The following YES1 variants were observed in gnomAD, a reference collection of about 807,000 sequenced individuals.
The protein encoded by YES1 is tyrosine-protein kinase Yes.
YES1 carries 39 observed loss-of-function variants against 70.4 expected under a neutral mutation model. The observed-to-expected ratio is 0.55, with a 90% CI of 0.43 to 0.72. The LOEUF (loss-of-function observed/expected upper bound fraction) is 0.72, where lower values mean the gene tolerates loss of function less well. Among genes scored for constraint, YES1 ranks in the 30% least tolerant of loss-of-function variants. YES1 has a pLI of 0.00. For missense variants in YES1, 495 were observed against 644.8 expected, an observed-to-expected ratio of 0.77 and a Z score of 2.52; for synonymous variants, 198 against 218.6, an observed-to-expected ratio of 0.91 and a Z score of 0.83.
At chr18:778,693 A>G (rs1331693945) in intron 1 of YES1, among the ~76,000 whole-genome samples, 1 of 152,176 alleles carries the variant, frequency 6.6e-6, no homozygotes, top group African/African-American at 2.4e-5. Flanking sequence ...AAACATGAAC[A>G]ATTTCCATAG....
intron 1 of YES1, among the ~76,000 whole-genome samples, chr18:779,403 CAAAAA>C (rs35003724): frequency 1.6e-5 from 1 of 63,090 alleles, no homozygotes. Flanking sequence ...GACCCTGTCT[CAAAAA>C]AAAAAAAAAA....
chr18:730,479 G>A (rs2080075254), intron 11 of YES1, among the ~76,000 whole-genome samples: 1 of 151,868 alleles, frequency 6.6e-6, no homozygotes, highest in African/African-American at 2.4e-5. Flanking sequence ...CAAAGTGCTG[G>A]GATTATAGGA....
chr18:792,367 AT>A (rs1365224451), intron 1 of YES1, among the ~76,000 whole-genome samples: 1 of 152,104 alleles, frequency 6.6e-6, no homozygotes, highest in Non-Finnish European at 1.5e-5. Flanking sequence ...GGTTAAAAAA[AT>A]AAAATAAAAA....
rs2079991410 is a variant in YES1 at position 724,240 on chromosome 18, T to C, written c.*184A>G. On this transcript the variant is annotated 3_prime_UTR_variant, in exon 12 of 12. Coordinates refer to ENST00000314574, the MANE Select transcript of YES1 (RefSeq NM_005433.4). ...CTGAAATACGCTGATAAATTCATCA[T>C]TGGTACATTAGAGTTTAATACTTGG... The C allele has an allele frequency of 6.7e-6, 4 of 594,658 alleles. No individual in the cohort carries two copies. The highest frequency in any genetic ancestry group is 6.0e-5 in the Admixed American group (2 of 33,440). The allele number at this position is 594,658 out of a possible 1,614,324, so 36.8% of individuals were successfully genotyped here.
In YES1 at chr18:723,100, A is replaced by G. The variant is rs1329482801; in HGVS notation, c.*1324T>C. On this transcript the variant is annotated 3_prime_UTR_variant, in exon 12 of 12. Coordinates refer to ENST00000314574, the MANE Select transcript of YES1 (RefSeq NM_005433.4). ...GAGCGAGACTCCGTCTCAAAAAAGA[A>G]AACAAAAAAAAGTGAATGTAGATTC... 1 of 148,872 alleles carries G rather than the reference A, an allele frequency of 6.7e-6. No homozygotes were observed. The allele number at this position is 148,872 out of a possible 1,614,324, so 9.2% of individuals were successfully genotyped here. A position where few individuals can be genotyped will look rare whatever the true frequency, so the allele number is the denominator to read the frequency against.
chr18:802,645 A>T (rs1000480624), intron 1 of YES1, among the ~76,000 whole-genome samples: 5 of 152,064 alleles, frequency 3.3e-5, no homozygotes, highest in African/African-American at 1.2e-4. Context: ...CCTTTCCATC[A>T]TTGCTCCTCA....
rs529261425 is a variant in YES1, at chr18:785,417, G to T, written c.-9+26697C>A. On this transcript the variant is annotated intron_variant, in intron 1 of 11. Coordinates refer to ENST00000314574, the MANE Select transcript of YES1 (RefSeq NM_005433.4). The stretch of plus-strand genomic sequence containing the variant: ...TCTGAAGTATAATACTGAGTGTTAG[G>T]GGGGAGAAAGAGAAACAAGTAAAGC... 9.2e-5 allele frequency among the ~76,000 whole-genome samples: 14 copies of T among 152,218 alleles called. 1 individual carries two copies. In the South Asian group the frequency reaches 2.5e-3, roughly 27 times the overall value.
intron 1 of YES1, among the ~76,000 whole-genome samples, chr18:794,340 TAA>T (rs1906426817): frequency 6.6e-6 from 1 of 152,204 alleles, no homozygotes; most frequent in South Asian, 2.1e-4. Context: ...ACCAGTAGTC[TAA>T]CTTTTAAAAA....
At chr18:771,776 C>A (rs1048202004) in intron 1 of YES1, among the ~76,000 whole-genome samples, 4 of 152,084 alleles carry the variant, frequency 2.6e-5, no homozygotes, top group Non-Finnish European at 4.4e-5. Context: ...GCACAGGGAT[C>A]CCCACACTTC....
chr18:788,666 C>A (rs1036027047), intron 1 of YES1, among the ~76,000 whole-genome samples: 1 of 152,136 alleles, frequency 6.6e-6, no homozygotes, highest in Non-Finnish European at 1.5e-5. Flanking sequence ...CGCCTGTAAT[C>A]CCCGGCACTT....
At chr18:741,579 T>C (rs1004948656) in intron 8 of YES1, among the ~76,000 whole-genome samples, 2 of 152,086 alleles carry the variant, frequency 1.3e-5, no homozygotes, top group African/African-American at 4.8e-5. Context: ...CAAGGCAGGC[T>C]GATTGCTTGA....
intron 1 of YES1, among the ~76,000 whole-genome samples, chr18:810,598 T>C (rs889091103): frequency 4.6e-4 from 70 of 152,350 alleles, no homozygotes; most frequent in African/African-American, 1.6e-3. Flanking sequence ...CCTGGAAACA[T>C]GGATATAAAC....
At chr18:812,481 C>T (rs1204893385), upstream of YES1, 1 of 152,154 alleles carries the variant, frequency 6.6e-6, no homozygotes, top group Non-Finnish European at 1.5e-5. Flanking sequence ...CAGGTCCCCT[C>T]CGCGGGCTCC....
chr18:770,270 T>A lies in YES1; in HGVS notation c.-8-13435A>T, dbSNP rs926495933. On this transcript the variant is annotated intron_variant, in intron 1 of 11. Coordinates refer to ENST00000314574, the MANE Select transcript of YES1 (RefSeq NM_005433.4). Reference sequence around the variant, plus strand: ...GCCACTGCGCCCGGCCCTTTTATCTTTTTTTTTTTTTTTTTAAGAGTTTTT... The same window carrying A: ...GCCACTGCGCCCGGCCCTTTTATCTATTTTTTTTTTTTTTTAAGAGTTTTT... Among the ~76,000 whole-genome samples, 39 of 23,596 alleles carry A rather than the reference T, an allele frequency of 1.7e-3. No individual in the cohort carries two copies. In the African/African-American group the frequency reaches 0.017, roughly 10 times the overall value. The allele number at this position is 23,596 out of a possible 152,430, so 15.5% of individuals were successfully genotyped here.
At chr18:782,361 C>A (rs548124321) in intron 1 of YES1, among the ~76,000 whole-genome samples, 2 of 152,128 alleles carry the variant, frequency 1.3e-5, no homozygotes, top group Non-Finnish European at 2.9e-5. Context: ...TTGGATCAGC[C>A]GCCTCCCTCT....
intron 8 of YES1, among the ~76,000 whole-genome samples, chr18:741,502 T>C (rs906106112): frequency 6.6e-6 from 1 of 152,086 alleles, no homozygotes; most frequent in African/African-American, 2.4e-5. Flanking sequence ...TCTAATATAC[T>C]CTTTGAAAGG....
intron 1 of YES1, among the ~76,000 whole-genome samples, chr18:783,383 T>C (rs1453477263): frequency 1.4e-5 from 2 of 138,018 alleles, no homozygotes; most frequent in Admixed American, 7.5e-5. Context: ...CTTGGTTATG[T>C]AGGGGAAACA....
At chr18:740,357 A>G (rs2080203549) in intron 8 of YES1, among the ~76,000 whole-genome samples, 1 of 152,208 alleles carries the variant, frequency 6.6e-6, no homozygotes, top group Admixed American at 6.5e-5. Flanking sequence ...CACAAAACCA[A>G]ATTAAGGCAC....
At chr18:761,136 G>T (rs1041890368) in intron 1 of YES1, among the ~76,000 whole-genome samples, 2 of 151,408 alleles carry the variant, frequency 1.3e-5, no homozygotes, top group African/African-American at 4.9e-5. Context: ...AGGCAAAATT[G>T]TAACAATCAA....
Sources: allele counts gnomAD v4.1 joint callset (sites outside exome capture counted in the v4.1 genomes callset), GRCh38; gene constraint gnomAD v4.1.1; transcripts MANE v1.5; gene names NCBI Gene and HGNC (gene_info 2026-07-23, HGNC 2026-07-21).